The following TNS3 variants were observed in gnomAD, a reference collection of about 807,000 sequenced individuals.
The protein encoded by TNS3 is tensin 3, also known as tensin-3.
Under a neutral mutation model 140.9 loss-of-function variants are expected in TNS3, and 45 were observed. The ratio of observed to expected loss-of-function variants is 0.32; its 90% CI spans 0.25 to 0.41. The LOEUF is 0.41. Ranked by LOEUF, TNS3 falls within the 10% of genes least tolerant of loss-of-function variation. The probability of loss-of-function intolerance (pLI) is 1.00; values close to 1 mark genes in which losing one functional copy is unlikely to be tolerated. For synonymous variants in TNS3, 815 were observed against 788.4 expected, an observed-to-expected ratio of 1.03 and a Z score of -0.56; for missense variants, 1,716 against 1,906.7, an observed-to-expected ratio of 0.90 and a Z score of 1.86.
rs889864885 is a variant in TNS3 at position 47,275,540 on chromosome 7, T to C, written c.*2536A>G. 4 of 315,896 alleles carry C rather than the reference T, an allele frequency of 1.3e-5. No individual in the cohort carries two copies. Among genetic ancestry groups the C allele is most frequent in the African/African-American group, 2.2e-5 (1 of 45,660 alleles). 19.6% of individuals were successfully genotyped at this position (315,896 alleles called of 1,614,324 possible). A position where few individuals can be genotyped will look rare whatever the true frequency, so the allele number is the denominator to read the frequency against. On this transcript the variant is annotated 3_prime_UTR_variant, in exon 31 of 31. Coordinates refer to ENST00000311160, the MANE Select transcript of TNS3 (RefSeq NM_022748.12). ...ACAAAATGCCTGGAAACGTTCCTTT[T>C]CCTGTGGCCCTAGAGCCGGTGTCCA...
intron 4 of TNS3, among the ~76,000 whole-genome samples, 156 bp downstream of exon 4, chr7:47,480,947 C>A (rs983504576): frequency 1.2e-4 from 19 of 152,172 alleles, no homozygotes; most frequent in Admixed American, 5.9e-4. Context: ...GGTCAAAGGA[C>A]CTCAGATAGA....
rs974642816 is a variant in TNS3, at chr7:47,487,272, G to A, written c.-114-6131C>T. 7.1e-4 allele frequency among the ~76,000 whole-genome samples: 106 copies of A among 148,282 alleles called. 2 individuals are homozygous for A. The highest frequency in any genetic ancestry group is 2.0e-4 in the East Asian group (1 of 5,000). On this transcript the variant is annotated intron_variant, in intron 3 of 30. Transcript: ENST00000311160. ...CGTGCCACTGCACTCCAGCCTGGGC[G>A]ACAGAGCAAGACTCCGTCTCAAAAG...
intron 27 of TNS3, among the ~76,000 whole-genome samples, chr7:47,285,034 T>A (rs1389322429): frequency 2.0e-5 from 3 of 152,056 alleles, no homozygotes; most frequent in African/African-American, 7.2e-5. Context: ...GTTTGGCAGG[T>A]ATGTTGGTAG....
In TNS3 at chr7:47,345,020, G is replaced by A. The variant is rs752248643; in HGVS notation, c.2470C>T (p.Pro824Ser). Residue 824 changes from proline to serine, a missense_variant, in exon 19 of 31, where the codon CCC (proline) becomes TCC (serine). By Grantham distance (74) the Pro-to-Ser change is moderately conservative (BLOSUM62 -1). Coordinates refer to ENST00000311160, the MANE Select transcript of TNS3 (RefSeq NM_022748.12). ...DVKETMTPGY[P>S]QDLDIIDGRI... The stretch of plus-strand genomic sequence containing the variant: ...CCATCGATAATATCGAGGTCCTGGG[G>A]ATAGCCAGGGGTCATCGTCTGAAAT... The A allele has an allele frequency of 5.0e-6, 8 of 1,613,804 alleles. No individual in the cohort carries two copies. The highest frequency in any genetic ancestry group is 4.4e-5 in the South Asian group (4 of 91,080).
chr7:47,285,986 T>A (rs1160551648), intron 27 of TNS3, among the ~76,000 whole-genome samples: 1 of 152,132 alleles, frequency 6.6e-6, no homozygotes, highest in Non-Finnish European at 1.5e-5. Flanking sequence ...ATGAAAAGCA[T>A]GTGTGCATCA....
At chr7:47,431,582 A>C (rs1794932718) in intron 8 of TNS3, among the ~76,000 whole-genome samples, 2 of 152,296 alleles carry the variant, frequency 1.3e-5, no homozygotes, top group Admixed American at 1.3e-4. Context: ...ACAGAGTGAG[A>C]CTCCGTCTCA....
chr7:47,357,967 A>C (rs1759671256), intron 17 of TNS3, among the ~76,000 whole-genome samples: 9 of 152,164 alleles, frequency 5.9e-5, no homozygotes, highest in Admixed American at 5.9e-4. Context: ...TGCAGATGTG[A>C]AAAGCTGCAA....
At chr7:47,310,908 T>A (rs1442690306) in intron 20 of TNS3, among the ~76,000 whole-genome samples, 3 of 152,250 alleles carry the variant, frequency 2.0e-5, no homozygotes, top group Non-Finnish European at 4.4e-5. Flanking sequence ...CTCATTCTTT[T>A]TTATGGCTGC....
chr7:47,467,919 T>C (rs1796792137), intron 4 of TNS3, among the ~76,000 whole-genome samples: 1 of 152,172 alleles, frequency 6.6e-6, no homozygotes, highest in African/African-American at 2.4e-5. Context: ...GTTTTCTACA[T>C]GAGTATCCCT....
intron 13 of TNS3, chr7:47,405,377 G>A (rs1006401032): frequency 9.5e-6 from 6 of 632,982 alleles, no homozygotes; most frequent in South Asian, 9.4e-5. Context: ...AACTGTCTAC[G>A]CAGGCCTCAA....
At chr7:47,296,405 C>T (rs532418891) in intron 24 of TNS3, among the ~76,000 whole-genome samples, 6 of 152,274 alleles carry the variant, frequency 3.9e-5, no homozygotes, top group Non-Finnish European at 5.9e-5. Context: ...GGCGATTCCT[C>T]AAAGACCTAG....
chr7:47,546,349 T>C (rs965614043), intron 1 of TNS3, among the ~76,000 whole-genome samples: 5 of 152,164 alleles, frequency 3.3e-5, no homozygotes, highest in Non-Finnish European at 1.5e-5. Context: ...GCAGCACTGC[T>C]GTTCCGGAGC....
At chr7:47,474,990 A>G (rs1797133609) in intron 4 of TNS3, among the ~76,000 whole-genome samples, 1 of 151,024 alleles carries the variant, frequency 6.6e-6, no homozygotes, top group Non-Finnish European at 1.5e-5. Context: ...ACTGCAACGC[A>G]CTCAAAGCAC....
At chr7:47,459,200 T>C (rs1017804446) in intron 4 of TNS3, among the ~76,000 whole-genome samples, 2 of 152,226 alleles carry the variant, frequency 1.3e-5, no homozygotes, top group Admixed American at 6.5e-5. Flanking sequence ...TAGTTTAAAA[T>C]GTTAACATCC....
At chr7:47,348,740 G>A (rs572667493) in intron 17 of TNS3, among the ~76,000 whole-genome samples, 1 of 152,294 alleles carries the variant, frequency 6.6e-6, no homozygotes, top group East Asian at 1.9e-4. Context: ...GAAGGAGGAT[G>A]GGAAGTGCAT....
chr7:47,550,081 C>T (rs1315358005), intron 1 of TNS3, among the ~76,000 whole-genome samples: 1 of 152,004 alleles, frequency 6.6e-6, no homozygotes, highest in Admixed American at 6.5e-5. Flanking sequence ...GAGGTCTCCC[C>T]TGCGAGGCCT....
At chr7:47,282,745 C>A (rs1372723223) in intron 28 of TNS3, among the ~76,000 whole-genome samples, 1 of 152,192 alleles carries the variant, frequency 6.6e-6, no homozygotes, top group Admixed American at 6.5e-5. Context: ...ACCAGCAAAA[C>A]CCACGTTCTG....
intron 24 of TNS3, among the ~76,000 whole-genome samples, chr7:47,295,310 C>G (rs1785945122): frequency 6.6e-6 from 1 of 152,186 alleles, no homozygotes; most frequent in South Asian, 2.1e-4. Context: ...TGTTATTTGT[C>G]CTTGCTTTAA....
chr7:47,475,847 T>C (rs1017780359), intron 4 of TNS3, among the ~76,000 whole-genome samples: 1 of 152,314 alleles, frequency 6.6e-6, no homozygotes, highest in Admixed American at 6.5e-5. Context: ...CAGACTCGCA[T>C]GCGCCCTTGT....
Sources: allele counts gnomAD v4.1 joint callset (sites outside exome capture counted in the v4.1 genomes callset), GRCh38; gene constraint gnomAD v4.1.1; transcripts MANE v1.5; gene names NCBI Gene and HGNC (gene_info 2026-07-23, HGNC 2026-07-21).